CDC25A: variants seen among roughly 807,000 people sequenced by gnomAD.
The protein encoded by CDC25A is M-phase inducer phosphatase 1.
A neutral mutation model predicts 64.6 loss-of-function variants in CDC25A; 17 were observed. The observed-to-expected ratio is 0.26, with a 90% confidence interval of 0.18 to 0.39. The LOEUF is 0.39. Among genes scored for constraint, CDC25A ranks in the 10% least tolerant of loss-of-function variants. CDC25A has a pLI of 1.00. For missense variants in CDC25A, 473 were observed against 654.8 expected (o/e 0.72, Z 3.03); for synonymous variants, 229 against 238.6 (o/e 0.96, Z 0.37).
At position 48,164,434 on chromosome 3, in the gene CDC25A, C is replaced by A; in HGVS notation, c.1195G>T (p.Ala399Ser). The change falls in exon 13 of 15, where the codon GCA becomes TCA. Residue 399 changes from alanine to serine, a missense_variant. Coordinates refer to ENST00000302506, the MANE Select transcript of CDC25A (RefSeq NM_001789.3). ...TCTTCTTCCATGTGCAAGTTCACTGCACCCTGTGAAGACAACAGAGACCCT... is the reference window on the plus strand; with the variant it reads ...TCTTCTTCCATGTGCAAGTTCACTGAACCCTGTGAAGACAACAGAGACCCT... ...YEYEGGHIKG[A>S]VNLHMEEEVE... is the part of the protein sequence containing the mutation. The A allele has an allele frequency of 6.4e-7, 1 of 1,572,168 alleles. No homozygotes were observed. The highest frequency in any genetic ancestry group is 2.0e-5 in the Admixed American group (1 of 50,478).
intron 13 of CDC25A, among the ~76,000 whole-genome samples, chr3:48,162,493 C>A (rs2031815793): frequency 6.6e-6 from 1 of 152,064 alleles, no homozygotes; most frequent in South Asian, 2.1e-4. Flanking sequence ...CTCGGCCTCC[C>A]AAAGTGTTGG....
Position 48,188,014 on chromosome 3 carries a change from C to T in CDC25A, c.-67G>A. The T allele has an allele frequency of 8.0e-7, 1 of 1,257,628 alleles. No individual in the cohort carries two copies. 77.9% of individuals were successfully genotyped at this position (1,257,628 alleles called of 1,614,324 possible). The stretch of plus-strand genomic sequence containing the variant: ...TGCCTCCGCCGCGACCGCCCCGCCC[C>T]GCCGACACCGGCCTCGGCCGCGCGC... On this transcript the variant is annotated 5_prime_UTR_variant, in exon 1 of 15. Coordinates refer to ENST00000302506, the MANE Select transcript of CDC25A (RefSeq NM_001789.3).
At position 48,158,743 on chromosome 3, in the gene CDC25A, A is replaced by G. The variant is rs1409228505; in HGVS notation, c.*202T>C. On this transcript the variant is annotated 3_prime_UTR_variant, in exon 15 of 15. Transcript: ENST00000302506. ...GTTCTGATATGGACGGAGGACGTCT[A>G]ACAGGGACAGAAGAGGCGTAGCCAG... 17 of 606,052 alleles carry G rather than the reference A, an allele frequency of 2.8e-5. No individual in the cohort carries two copies. The highest frequency in any genetic ancestry group is 5.0e-5 in the Non-Finnish European group (17 of 343,246). The allele number at this position is 606,052 out of a possible 1,614,324, so 37.5% of individuals were successfully genotyped here. A position where few individuals can be genotyped will look rare whatever the true frequency, so the allele number is the denominator to read the frequency against.
chr3:48,168,343 A>G (rs2032121740), intron 9 of CDC25A, among the ~76,000 whole-genome samples: 1 of 144,306 alleles, frequency 6.9e-6, no homozygotes, highest in South Asian at 2.2e-4. Flanking sequence ...AGACCAGATC[A>G]AAGAGCAAGA....
Position 48,159,005 on chromosome 3 carries a change from G to A in CDC25A, c.1515C>T (p.Ser505=), listed in dbSNP as rs1350782925. The A allele has an allele frequency of 6.2e-7, 1 of 1,614,172 alleles. No individual in the cohort carries two copies. Residue 505 remains serine, a synonymous_variant, in exon 15 of 15, where the codon AGC becomes AGT. Transcript: ENST00000302506. ...TGCTCTTCTCCCCTGCCCAGGTCCG[G>A]CTCTTGGTGCGGAACTTCTTCAGGT... The part of the protein sequence containing the change: ...KEDLKKFRTK[S]RTWAGEKSKR...
At chr3:48,172,285 C>A (rs149845848) in intron 9 of CDC25A, among the ~76,000 whole-genome samples, 164 of 152,314 alleles carry the variant, frequency 1.1e-3, no homozygotes, top group African/African-American at 3.8e-3. Flanking sequence ...GCATTAAAAA[C>A]AAAAGCAGAT....
intron 8 of CDC25A, 142 bp from the exon 9 acceptor site, chr3:48,174,599 C>T (rs1359801335): frequency 6.8e-6 from 5 of 730,548 alleles, no homozygotes; most frequent in Non-Finnish European, 1.1e-5. Flanking sequence ...TCATCTAGTC[C>T]TAGCAACTCT....
At chr3:48,162,352 C>T (rs1347995632) in intron 13 of CDC25A, among the ~76,000 whole-genome samples, 2 of 151,754 alleles carry the variant, frequency 1.3e-5, no homozygotes, top group African/African-American at 4.8e-5. Flanking sequence ...GTGGCATGAT[C>T]ATGGCTCACC....
chr3:48,168,006 C>G (rs919351318), intron 9 of CDC25A, 62 bp from the exon 10 acceptor site: 2 of 945,564 alleles, frequency 2.1e-6, no homozygotes, highest in Non-Finnish European at 3.5e-6. Context: ...CGAAAACATT[C>G]ACTTGGAGCA....
At chr3:48,161,952 T>C (rs938219391) in intron 13 of CDC25A, among the ~76,000 whole-genome samples, 9 of 152,122 alleles carry the variant, frequency 5.9e-5, no homozygotes, top group African/African-American at 1.9e-4. Flanking sequence ...TCCCAGCTAC[T>C]TGGGAGCCTG....
chr3:48,188,115 C>A lies in CDC25A; in HGVS notation c.-168G>T. The stretch of plus-strand genomic sequence containing the variant: ...CGGCTGCCGCGGGCAAGCGGCGCGG[C>A]CGGGCGGGTGTGCGGACCCTCCAGG... On this transcript the variant is annotated 5_prime_UTR_variant, in exon 1 of 15. Transcript: ENST00000302506. 2.1e-6 allele frequency: 1 copy of A among 484,712 alleles called. No homozygotes were observed. 30.0% of individuals were successfully genotyped at this position (484,712 alleles called of 1,614,324 possible).
chr3:48,174,159 A>C (rs2032369729), intron 9 of CDC25A, 125 bp downstream of exon 9: 7 of 863,380 alleles, frequency 8.1e-6, no homozygotes, highest in Non-Finnish European at 1.1e-5. Context: ...ACCCACACAC[A>C]CACACAACCC....
Position 48,159,453 on chromosome 3 carries a change from C to T in CDC25A, c.1325G>A (p.Cys442Tyr), listed in dbSNP as rs1346670060. The T allele has an allele frequency of 6.2e-7, 1 of 1,611,916 alleles. No homozygotes were observed. Among genetic ancestry groups the T allele is most frequent in the Non-Finnish European group, 8.5e-7 (1 of 1,178,044 alleles). The change falls in exon 14 of 15, where the codon TGC becomes TAC. Residue 442 changes from cysteine to tyrosine, a missense_variant and splice_region_variant. Cys to Tyr is a radical substitution (Grantham distance 194). Transcript: ENST00000302506. The part of the protein sequence containing the change: ...EFSSERGPRM[C>Y]RYVRERDRLG... ...GCGATCTCTCTCTCTCACATACCGG[C>T]ACCTAGTCAGGGGAAGGAAGGCCAA...
At chr3:48,184,763 CACTA>C in intron 2 of CDC25A, 68 bp from the exon 3 acceptor site, 1 of 1,184,244 alleles carries the variant, frequency 8.4e-7, no homozygotes. Flanking sequence ...AAAATTAAAA[CACTA>C]AACAAAGTAC....
Position 48,187,890 on chromosome 3 carries a change from G to C in CDC25A, c.58C>G (p.Pro20Ala), listed in dbSNP as rs746164227. ...TTCACGACGGGCTGCGACGCGGGAGGGGGGCTGCAGGCGAAGAGCAGGCGG... is the reference window on the plus strand; with the variant it reads ...TTCACGACGGGCTGCGACGCGGGAGCGGGGCTGCAGGCGAAGAGCAGGCGG... ...RRRLLFACSP[P>A]PASQPVVKAL... Residue 20 changes from proline to alanine, a missense_variant, in exon 1 of 15, where the codon CCT becomes GCT. Around this residue, in one of 2 missense-constraint regions of CDC25A, gnomAD observed 376 missense variants for 431.9 expected, o/e 0.87. Coordinates refer to ENST00000302506, the MANE Select transcript of CDC25A (RefSeq NM_001789.3). The C allele has an allele frequency of 2.3e-5, 35 of 1,545,268 alleles. No individual in the cohort carries two copies. The East Asian group carries it at 2.5e-4, about 11-fold the overall frequency.
At chr3:48,177,292 G>A (rs2032499847) in intron 8 of CDC25A, 79 bp downstream of exon 8, 2 of 1,068,788 alleles carry the variant, frequency 1.9e-6, no homozygotes, top group Admixed American at 1.9e-5. Context: ...TTCAATCTTT[G>A]GCTATACTCA....
At chr3:48,182,801 T>C in intron 5 of CDC25A, 128 bp downstream of exon 5, 1 of 635,460 alleles carries the variant, frequency 1.6e-6, no homozygotes, top group South Asian at 2.1e-5. Context: ...CCCAGAATTC[T>C]CTGACTCCAA....
Position 48,157,445 on chromosome 3 carries a change from T to A in CDC25A, c.*1500A>T, listed in dbSNP as rs1401203630. On this transcript the variant is annotated 3_prime_UTR_variant, in exon 15 of 15. Coordinates refer to ENST00000302506, the MANE Select transcript of CDC25A (RefSeq NM_001789.3). ...ACACAGCAACTAGCCATCTCCAGTA[T>A]CACTGATTCCCACCCCAAGAAGTTG... 2.6e-5 allele frequency: 4 copies of A among 152,602 alleles called. No individual in the cohort carries two copies. Among genetic ancestry groups the A allele is most frequent in the Admixed American group, 2.6e-4 (4 of 15,266 alleles). 9.5% of individuals were successfully genotyped at this position (152,602 alleles called of 1,614,324 possible).
At position 48,184,694 on chromosome 3, in the gene CDC25A, A is replaced by T; in HGVS notation, c.249T>A (p.Gly83=). The change falls in exon 3 of 15, where the codon GGT becomes GGA. Residue 83 remains glycine (G), a splice_region_variant and synonymous_variant. Coordinates refer to ENST00000302506, the MANE Select transcript of CDC25A (RefSeq NM_001789.3). ...RMGSSESTDS[G]FCLDSPGPLD... ...ATGGCCCAGGAGAATCTAGACAGAAACCTATGGGGAAAAAAAAAACCTCTC... is the reference window on the plus strand; with the variant it reads ...ATGGCCCAGGAGAATCTAGACAGAATCCTATGGGGAAAAAAAAAACCTCTC... The T allele has an allele frequency of 1.3e-6, 2 of 1,582,182 alleles. No individual in the cohort carries two copies.
Sources: allele counts gnomAD v4.1 joint callset (sites outside exome capture counted in the v4.1 genomes callset), GRCh38; gene constraint gnomAD v4.1.1; regional missense constraint gnomAD v4.1.1; transcripts MANE v1.5; gene names NCBI Gene and HGNC (gene_info 2026-07-23, HGNC 2026-07-21).